RASA3: variants seen among roughly 807,000 people sequenced by gnomAD.
The protein encoded by RASA3 is RAS p21 protein activator 3.
Under a neutral mutation model 110.0 loss-of-function variants are expected in RASA3, and 73 were observed. The ratio of observed to expected loss-of-function variants is 0.66; its 90% confidence interval spans 0.55 to 0.81. RASA3 has a LOEUF of 0.81. Ranked by LOEUF, RASA3 falls within the 30% of genes least tolerant of loss-of-function variation. The pLI is 0.00. For synonymous variants in RASA3, 500 were observed against 451.4 expected (o/e 1.11, Z -1.37); for missense variants, 976 against 1,113.2 (o/e 0.88, Z 1.75).
chr13:114,078,796 C>T (rs940345154), intron 1 of RASA3, among the ~76,000 whole-genome samples: 12 of 152,236 alleles, frequency 7.9e-5, no homozygotes, highest in Non-Finnish European at 1.3e-4. Flanking sequence ...CAGGCCCAGC[C>T]CTGACCGAGG....
At chr13:114,030,995 G>C (rs1267971897) in intron 4 of RASA3, among the ~76,000 whole-genome samples, 1 of 151,930 alleles carries the variant, frequency 6.6e-6, no homozygotes, top group African/African-American at 2.4e-5. Context: ...CCGCCTGTGT[G>C]TGCGGCTGTG....
At chr13:114,052,785 G>A (rs549746985) in intron 2 of RASA3, among the ~76,000 whole-genome samples, 151 of 129,480 alleles carry the variant, frequency 1.2e-3, no homozygotes, top group Middle Eastern at 4.7e-3. Flanking sequence ...AGAGACCCCC[G>A]CTGCTGACTG....
intron 13 of RASA3, 45 bp downstream of exon 13, chr13:114,016,152 C>T (rs1283183843): frequency 1.3e-5 from 19 of 1,510,580 alleles, no homozygotes; most frequent in Admixed American, 3.4e-5. Flanking sequence ...GCTGAAAAAC[C>T]CCAAGCAGGT....
At chr13:114,071,335 G>C (rs2139662380) in intron 2 of RASA3, among the ~76,000 whole-genome samples, 1 of 152,180 alleles carries the variant, frequency 6.6e-6, no homozygotes. Flanking sequence ...AAGACAACAG[G>C]CCCCCATTTC....
At chr13:114,061,909 G>A (rs2079358957) in intron 2 of RASA3, among the ~76,000 whole-genome samples, 1 of 152,144 alleles carries the variant, frequency 6.6e-6, no homozygotes, top group Non-Finnish European at 1.5e-5. Flanking sequence ...TGTCTGCACA[G>A]AGCACACGGC....
chr13:114,109,164 C>T (rs1004604638), intron 1 of RASA3, among the ~76,000 whole-genome samples: 8 of 152,224 alleles, frequency 5.3e-5, no homozygotes, highest in African/African-American at 1.4e-4. Context: ...CCCCCGAACA[C>T]GACCGGCTCC....
Position 114,057,016 on chromosome 13 carries a change from C to A in RASA3, c.174-4861G>T, listed in dbSNP as rs888716558. Among the ~76,000 whole-genome samples, 3 of 152,024 alleles carry A rather than the reference C, an allele frequency of 2.0e-5. No individual in the cohort carries two copies. Among genetic ancestry groups the A allele is most frequent in the African/African-American group, 7.2e-5 (3 of 41,430 alleles). On this transcript the variant is annotated intron_variant, in intron 2 of 23. Transcript: ENST00000334062. This position sits in a 1 kb window ranked among gnomAD's most constrained non-coding sequence, Gnocchi z 5.0. ...GCTGTTGTCCTTGGGAACCACGGGT[C>A]CCCCCTCCTGAAGAAGGGGAACGTC...
chr13:114,013,356 T>A (rs1405801131), intron 14 of RASA3, 108 bp from the exon 15 acceptor site: 1 of 671,956 alleles, frequency 1.5e-6, no homozygotes, highest in Non-Finnish European at 2.6e-6. Context: ...GCCACAGTCC[T>A]GGCTCTATCT....
Position 113,978,981 on chromosome 13 carries a change from C to A in RASA3, c.*366G>T, listed in dbSNP as rs143448898. On this transcript the variant is annotated 3_prime_UTR_variant, in exon 24 of 24. Transcript: ENST00000334062. ...GACGTGCACGAGACTGACGCACACA[C>A]GGCCGGAGGTGCATGTCACAGTCGA... 2.0e-5 allele frequency: 6 copies of A among 306,028 alleles called. No individual in the cohort carries two copies. Among genetic ancestry groups the A allele is most frequent in the Non-Finnish European group, 3.1e-5 (5 of 159,500 alleles). The allele number at this position is 306,028 out of a possible 1,614,324, so 19.0% of individuals were successfully genotyped here.
intron 23 of RASA3, among the ~76,000 whole-genome samples, chr13:113,980,053 CTGTGTGCACCTCCTCCCA>C (rs1363964272): frequency 7.5e-4 from 107 of 143,024 alleles, no homozygotes; most frequent in African/African-American, 2.6e-3. Flanking sequence ...TGTGTGCCTC[CTGTGTGCACCTCCTCCCA>C]TGTGTGTGCA....
intron 1 of RASA3, among the ~76,000 whole-genome samples, chr13:114,075,506 G>A (rs2079655643): frequency 8.6e-6 from 1 of 116,542 alleles, no homozygotes; most frequent in Admixed American, 8.2e-5. Flanking sequence ...GAAGCCTCCC[G>A]TGTCGGCGCC....
chr13:114,041,299 A>G (rs1038402827), intron 3 of RASA3, among the ~76,000 whole-genome samples: 6 of 152,234 alleles, frequency 3.9e-5, no homozygotes, highest in African/African-American at 1.4e-4. Flanking sequence ...AGCCTGAGCG[A>G]TATGGTGAAA....
intron 2 of RASA3, among the ~76,000 whole-genome samples, chr13:114,053,382 C>A (rs1183572590): frequency 6.6e-6 from 1 of 152,266 alleles, no homozygotes; most frequent in African/African-American, 2.4e-5. Flanking sequence ...GGGTTAGTTT[C>A]CTCCCCACGC....
intron 3 of RASA3, among the ~76,000 whole-genome samples, chr13:114,046,804 GTA>G (rs1193658928): frequency 1.3e-5 from 2 of 152,218 alleles, no homozygotes; most frequent in Non-Finnish European, 2.9e-5. Context: ...CAACTAAGCT[GTA>G]AATGTGCCAA....
At chr13:114,021,595 A>G in intron 8 of RASA3, 87 bp from the exon 9 acceptor site, 1 of 1,049,060 alleles carries the variant, frequency 9.5e-7, no homozygotes, top group South Asian at 1.4e-5. Context: ...TTCCCCCAGG[A>G]GCAGAATGGA....
intron 1 of RASA3, among the ~76,000 whole-genome samples, chr13:114,109,953 C>T (rs2080194638): frequency 6.6e-6 from 1 of 152,160 alleles, no homozygotes; most frequent in African/African-American, 2.4e-5. Flanking sequence ...GTCTCCTCAG[C>T]CACCCACAGA....
chr13:114,019,870 C>G (rs9525328), intron 9 of RASA3, among the ~76,000 whole-genome samples: 148 of 33,936 alleles, frequency 4.4e-3, no homozygotes, highest in African/African-American at 8.2e-3. Flanking sequence ...ATTAGCCCCC[C>G]TCAGGTGGGT....
At chr13:114,021,058 C>T (rs368721215) in intron 9 of RASA3, among the ~76,000 whole-genome samples, 2 of 151,914 alleles carry the variant, frequency 1.3e-5, no homozygotes, top group East Asian at 1.9e-4. Context: ...GCGAGCTGCT[C>T]GCGGCTCAGG....
Position 114,098,754 on chromosome 13 carries a change from G to A in RASA3, c.56-24917C>T, listed in dbSNP as rs113163118. On this transcript the variant is annotated intron_variant, in intron 1 of 23. Coordinates refer to ENST00000334062, the MANE Select transcript of RASA3 (RefSeq NM_007368.4). ...CCAGACAGCAAGGAGAGAGGCAGTG[G>A]AAGGCACAAGGGCGGGAGAAAGACC... Among the ~76,000 whole-genome samples the A allele has an allele frequency of 6.8e-3, 1,029 of 152,256 alleles. 8 individuals carry two copies. The highest frequency in any genetic ancestry group is 0.023 in the African/African-American group (947 of 41,544).
Sources: gnomAD v4.1 joint callset for allele counts (sites outside exome capture counted in the v4.1 genomes callset) on GRCh38, gnomAD v4.1.1 for gene constraint, Gnocchi (gnomAD v3.1) non-coding constraint, MANE v1.5 for transcripts, NCBI Gene and HGNC (gene_info 2026-07-23, HGNC 2026-07-21) for gene names.